Variants in WWOX observed in about 807,000 individuals in gnomAD.
WWOX encodes the protein WW domain-containing oxidoreductase.
In WWOX, 69 loss-of-function variants were observed where a neutral mutation model predicts 46.2. That is an observed-to-expected ratio of 1.49 (90% CI 1.23 to 1.82). WWOX has a LOEUF of 1.82. Ranked by LOEUF, WWOX falls within the 40% of genes most tolerant of loss-of-function variation. The pLI, the probability that WWOX is intolerant of heterozygous loss-of-function variation, is 0.00. For synonymous variants in WWOX, 359 were observed against 202.6 expected, an observed-to-expected ratio of 1.77 and a Z score of -6.56; for missense variants, 919 against 542.6, an observed-to-expected ratio of 1.69 and a Z score of -6.89.
In WWOX at chr16:79,212,063, G is replaced by A. The variant is rs543274675; in HGVS notation, c.*267G>A. The A allele has an allele frequency of 6.5e-7, 1 of 1,536,428 alleles. No individual in the cohort carries two copies. The highest frequency in any genetic ancestry group is 2.4e-5 in the East Asian group (1 of 40,902). On this transcript the variant is annotated 3_prime_UTR_variant, in exon 9 of 9. Transcript: ENST00000566780. ...CTGTTTGAAAGTAAAAACCTGCTTGGTGTGTAGGTTCCGTATCTCCCTGGA... is the reference window on the plus strand; with the variant it reads ...CTGTTTGAAAGTAAAAACCTGCTTGATGTGTAGGTTCCGTATCTCCCTGGA...
intron 8 of WWOX, among the ~76,000 whole-genome samples, chr16:78,502,726 G>A (rs1048522861): frequency 6.6e-6 from 1 of 152,174 alleles, no homozygotes; most frequent in African/African-American, 2.4e-5. Context: ...CACTGGGCAA[G>A]TGTCTTAAAA....
At chr16:78,242,425 C>T (rs896297219) in intron 5 of WWOX, among the ~76,000 whole-genome samples, 1 of 152,184 alleles carries the variant, frequency 6.6e-6, no homozygotes, top group African/African-American at 2.4e-5. Context: ...AATAAATATT[C>T]GGGCAACACT....
At chr16:78,461,859 G>T (rs2083958130) in intron 8 of WWOX, among the ~76,000 whole-genome samples, 1 of 152,148 alleles carries the variant, frequency 6.6e-6, no homozygotes, top group African/African-American at 2.4e-5. Flanking sequence ...CAACATTCAT[G>T]CAATACCAAC....
intron 8 of WWOX, among the ~76,000 whole-genome samples, chr16:79,092,618 G>A (rs1275759202): frequency 6.6e-6 from 1 of 152,152 alleles, no homozygotes; most frequent in African/African-American, 2.4e-5. Context: ...TGATTCATCT[G>A]GCGAAACCCC....
intron 8 of WWOX, among the ~76,000 whole-genome samples, chr16:78,531,429 G>A (rs1441337727): frequency 6.6e-6 from 1 of 152,224 alleles, no homozygotes. Context: ...CAGTAAGGAT[G>A]TGACTATTAT....
At chr16:79,140,290 C>T (rs892437260) in intron 8 of WWOX, among the ~76,000 whole-genome samples, 8 of 152,144 alleles carry the variant, frequency 5.3e-5, no homozygotes, top group Non-Finnish European at 8.8e-5. Flanking sequence ...GTGGTGTGGC[C>T]GATTTCTTGG....
intron 8 of WWOX, among the ~76,000 whole-genome samples, chr16:78,497,829 T>C (rs4243160): frequency 0.74 from 110,936 of 149,912 alleles, 43,744 homozygotes; most frequent in Admixed American, 0.86. Flanking sequence ...CAATAAATGG[T>C]AGATTATACA....
At chr16:78,231,804 T>G (rs1007421165) in intron 5 of WWOX, among the ~76,000 whole-genome samples, 1 of 152,112 alleles carries the variant, frequency 6.6e-6, no homozygotes, top group South Asian at 2.1e-4. Flanking sequence ...TTCAATGTCT[T>G]TTTTGAGGAG....
chr16:78,710,143 T>G (rs1047076743), intron 8 of WWOX, among the ~76,000 whole-genome samples: 3 of 152,104 alleles, frequency 2.0e-5, no homozygotes, highest in Non-Finnish European at 4.4e-5. Flanking sequence ...CTGCCTCATG[T>G]TGACCTGCTT....
rs1019063141 is a variant in WWOX, at chr16:78,610,057, G to C, written c.1056+177305G>C. ...CCGCTGAATGTCCGATTGCGATCTC[G>C]CTGGAAAGACTGCTGCTTCAGCAAG... On this transcript the variant is annotated intron_variant, in intron 8 of 8. Transcript: ENST00000566780. 2.0e-5 allele frequency among the ~76,000 whole-genome samples: 3 copies of C among 148,260 alleles called. No individual in the cohort carries two copies. The Admixed American group carries it at 2.1e-4, about 10-fold the overall frequency.
chr16:79,055,380 G>C (rs544971040), intron 8 of WWOX, among the ~76,000 whole-genome samples: 19 of 152,144 alleles, frequency 1.2e-4, no homozygotes, highest in Admixed American at 1.2e-3. Flanking sequence ...GCACTTATTC[G>C]TTTGCTTGAC....
chr16:79,130,555 A>G (rs11866970), intron 8 of WWOX, among the ~76,000 whole-genome samples: 76,168 of 151,906 alleles, frequency 0.5, 20,270 homozygotes, highest in African/African-American at 0.69. Flanking sequence ...GTACATTCAC[A>G]TCCTGGTAAT....
At chr16:78,810,768 T>G (rs2051167435) in intron 8 of WWOX, among the ~76,000 whole-genome samples, 1 of 152,194 alleles carries the variant, frequency 6.6e-6, no homozygotes, top group African/African-American at 2.4e-5. Context: ...CTATGAAGAC[T>G]TTCTTTTTGG....
intron 8 of WWOX, among the ~76,000 whole-genome samples, chr16:78,625,157 A>T (rs562589256): frequency 6.6e-6 from 1 of 152,174 alleles, no homozygotes; most frequent in Admixed American, 6.5e-5. Flanking sequence ...AACATCACCA[A>T]TCACGCTGAG....
chr16:78,589,058 A>G (rs1213012396), intron 8 of WWOX, among the ~76,000 whole-genome samples: 1 of 152,230 alleles, frequency 6.6e-6, no homozygotes, highest in Non-Finnish European at 1.5e-5. Context: ...AGACCTTATC[A>G]GTTACCTGTA....
intron 8 of WWOX, among the ~76,000 whole-genome samples, chr16:78,468,730 G>T (rs1433472922): frequency 1.3e-5 from 2 of 152,186 alleles, no homozygotes; most frequent in African/African-American, 2.4e-5. Context: ...AGGGATGATG[G>T]TACTTACCTC....
At chr16:78,652,905 C>T (rs370292128) in intron 8 of WWOX, among the ~76,000 whole-genome samples, 1 of 152,216 alleles carries the variant, frequency 6.6e-6, no homozygotes, top group African/African-American at 2.4e-5. Context: ...CTGGAGTTCA[C>T]ATATCATTTG....
chr16:79,108,600 C>T (rs1368653569), intron 8 of WWOX, among the ~76,000 whole-genome samples: 1 of 152,178 alleles, frequency 6.6e-6, no homozygotes, highest in Non-Finnish European at 1.5e-5. Flanking sequence ...AAAAACATTG[C>T]TTTAAAATTT....
rs931578241 is a variant in WWOX, at chr16:78,576,624, G to T, written c.1056+143872G>T. On this transcript the variant is annotated intron_variant, in intron 8 of 8. Coordinates refer to ENST00000566780, the MANE Select transcript of WWOX (RefSeq NM_016373.4). ...CAGGCAGGAGCATCACTTGAGGCCA[G>T]AAGTTTGTGACCAGCCTGGGCACTA... is the stretch of plus-strand genomic sequence containing the variant. 2.0e-5 allele frequency among the ~76,000 whole-genome samples: 3 copies of T among 152,164 alleles called. No homozygotes were observed. In the East Asian group the frequency reaches 5.8e-4, roughly 29 times the overall value.
Sources: allele counts gnomAD v4.1 joint callset (sites outside exome capture counted in the v4.1 genomes callset), GRCh38; gene constraint gnomAD v4.1.1; transcripts MANE v1.5; gene names NCBI Gene and HGNC (gene_info 2026-07-23, HGNC 2026-07-21).